The following ST6GALNAC3 variants were observed in gnomAD, a reference collection of about 807,000 sequenced individuals.
ST6GALNAC3 encodes the protein ST6 N-acetylgalactosaminide alpha-2,6-sialyltransferase 3, also known as alpha-N-acetylgalactosaminide alpha-2,6-sialyltransferase 3.
ST6GALNAC3 carries 25 observed loss-of-function variants against 32.7 expected under a neutral mutation model. That is an observed-to-expected ratio of 0.76 (90% CI 0.56 to 1.07). The LOEUF (loss-of-function observed/expected upper bound fraction) is 1.07, where lower values mean the gene tolerates loss of function less well. Among genes scored for constraint, ST6GALNAC3 ranks in the 50% least tolerant of loss-of-function variants. The probability of loss-of-function intolerance (pLI) is 0.00; values close to 1 mark genes in which losing one functional copy is unlikely to be tolerated. For missense variants in ST6GALNAC3, 355 were observed against 382.4 expected (o/e 0.93, Z 0.60); for synonymous variants, 129 against 133.1 (o/e 0.97, Z 0.21).
At chr1:76,480,414 C>T (rs1349545674) in intron 3 of ST6GALNAC3, among the ~76,000 whole-genome samples, 1 of 152,048 alleles carries the variant, frequency 6.6e-6, no homozygotes, top group Non-Finnish European at 1.5e-5. Flanking sequence ...TTTAAGTTTC[C>T]TTTAACTGTA....
chr1:76,318,052 A>G (rs1646898204), intron 2 of ST6GALNAC3, among the ~76,000 whole-genome samples: 1 of 152,124 alleles, frequency 6.6e-6, no homozygotes, highest in Non-Finnish European at 1.5e-5. Flanking sequence ...GCTTCATTTT[A>G]TCAATTAATC....
rs536063584 is a variant in ST6GALNAC3 at position 76,564,735 on chromosome 1, A to G, written c.624-62717A>G. Among the ~76,000 whole-genome samples, 157 of 151,954 alleles carry G rather than the reference A, an allele frequency of 1.0e-3. 1 individual carries two copies. Among genetic ancestry groups the G allele is most frequent in the African/African-American group, 1.3e-3 (55 of 41,436 alleles). ...CAAGTAGCTGGGACTATAGGCGCCC[A>G]CCACCACGCCTGGCTAATTTTTTGT... On this transcript the variant is annotated intron_variant, in intron 3 of 4. Coordinates refer to ENST00000328299, the MANE Select transcript of ST6GALNAC3 (RefSeq NM_152996.4).
chr1:76,397,920 G>C (rs933864597), intron 2 of ST6GALNAC3, among the ~76,000 whole-genome samples: 2 of 151,886 alleles, frequency 1.3e-5, no homozygotes, highest in African/African-American at 4.8e-5. Flanking sequence ...TTTGCAAGGA[G>C]AACTACTGTG....
chr1:76,352,444 G>A (rs1469864114), intron 2 of ST6GALNAC3, among the ~76,000 whole-genome samples: 1 of 144,808 alleles, frequency 6.9e-6, no homozygotes, highest in Non-Finnish European at 1.5e-5. Context: ...AACTGTGCCT[G>A]TCCCTCCTGC....
intron 2 of ST6GALNAC3, among the ~76,000 whole-genome samples, chr1:76,362,991 A>G (rs1390704214): frequency 6.6e-6 from 1 of 152,204 alleles, no homozygotes; most frequent in African/African-American, 2.4e-5. Flanking sequence ...CATGGGCTCC[A>G]ACTCCACATC....
At chr1:76,262,388 A>T (rs1396334805) in intron 1 of ST6GALNAC3, among the ~76,000 whole-genome samples, 4 of 152,214 alleles carry the variant, frequency 2.6e-5, no homozygotes, top group African/African-American at 9.6e-5. Flanking sequence ...GTTCATATGG[A>T]AAGTTGTATG....
chr1:76,545,809 C>A (rs1664262868), intron 3 of ST6GALNAC3, among the ~76,000 whole-genome samples: 2 of 151,870 alleles, frequency 1.3e-5, no homozygotes, highest in Admixed American at 6.6e-5. Context: ...GGCATGCCCC[C>A]CCACATCCAG....
rs371355440 is a variant in ST6GALNAC3 at position 76,468,654 on chromosome 1, A to AT, written c.623+56241dup. On this transcript the variant is annotated intron_variant, in intron 3 of 4. Coordinates refer to ENST00000328299, the MANE Select transcript of ST6GALNAC3 (RefSeq NM_152996.4). ...TTCTTACTCATTTTTTTACCAAAAG[A>AT]TTTTGTCTTTGCTTGTAATACTTGA... 4.3e-3 allele frequency among the ~76,000 whole-genome samples: 654 copies of AT among 151,364 alleles called. 6 individuals are homozygous for AT. Among genetic ancestry groups the AT allele is most frequent in the African/African-American group, 0.014 (598 of 41,330 alleles).
intron 3 of ST6GALNAC3, among the ~76,000 whole-genome samples, chr1:76,440,296 G>C (rs534682639): frequency 6.6e-6 from 1 of 152,348 alleles, no homozygotes; most frequent in South Asian, 2.1e-4. Flanking sequence ...ATATGTGTCA[G>C]ATCAAGAATT....
intron 3 of ST6GALNAC3, among the ~76,000 whole-genome samples, chr1:76,573,118 G>A (rs1646737281): frequency 6.6e-6 from 1 of 152,088 alleles, no homozygotes; most frequent in Admixed American, 6.6e-5. Flanking sequence ...TATTTGTGCT[G>A]AAGGCAGTGC....
chr1:76,267,428 T>C (rs1658596027), intron 1 of ST6GALNAC3, among the ~76,000 whole-genome samples: 1 of 152,214 alleles, frequency 6.6e-6, no homozygotes, highest in African/African-American at 2.4e-5. Flanking sequence ...CTTTCTCCTC[T>C]ACTTTGCTCT....
intron 3 of ST6GALNAC3, among the ~76,000 whole-genome samples, chr1:76,473,405 C>A (rs1357860923): frequency 6.6e-6 from 1 of 152,042 alleles, no homozygotes; most frequent in South Asian, 2.1e-4. Flanking sequence ...CTGAGATGAA[C>A]CATTTGAAAA....
intron 3 of ST6GALNAC3, among the ~76,000 whole-genome samples, chr1:76,602,240 G>A (rs1410731811): frequency 6.6e-6 from 1 of 152,144 alleles, no homozygotes; most frequent in East Asian, 1.9e-4. Context: ...AGTTACGAAT[G>A]GGGAATGTGT....
At chr1:76,119,291 T>C (rs1473336990) in intron 1 of ST6GALNAC3, among the ~76,000 whole-genome samples, 1 of 152,248 alleles carries the variant, frequency 6.6e-6, no homozygotes, top group Non-Finnish European at 1.5e-5. Context: ...TGCATCTCAG[T>C]GAAATTTCAC....
At chr1:76,202,506 C>T (rs757045744) in intron 1 of ST6GALNAC3, among the ~76,000 whole-genome samples, 82 of 152,088 alleles carry the variant, frequency 5.4e-4, no homozygotes, top group Non-Finnish European at 9.6e-4. Flanking sequence ...GTTCTCTCCC[C>T]CAGCCTCTTC....
At chr1:76,491,494 G>T (rs1660498179) in intron 3 of ST6GALNAC3, among the ~76,000 whole-genome samples, 1 of 152,126 alleles carries the variant, frequency 6.6e-6, no homozygotes, top group African/African-American at 2.4e-5. Flanking sequence ...GCTTCCACAT[G>T]CTGAGTTTTC....
At chr1:76,365,808 G>T (rs1332064796) in intron 2 of ST6GALNAC3, among the ~76,000 whole-genome samples, 1 of 152,166 alleles carries the variant, frequency 6.6e-6, no homozygotes, top group African/African-American at 2.4e-5. Flanking sequence ...ATTTTCTGAA[G>T]ATTAGATTCA....
chr1:76,341,616 T>TCTTTCTTC (rs1647990760), intron 2 of ST6GALNAC3, among the ~76,000 whole-genome samples: 1 of 109,198 alleles, frequency 9.2e-6, no homozygotes, highest in Non-Finnish European at 1.8e-5. Context: ...TTTCTTTCTT[T>TCTTTCTTC]CTTTCTTTCT....
intron 1 of ST6GALNAC3, among the ~76,000 whole-genome samples, chr1:76,251,102 T>TA (rs1047485569): frequency 2.0e-5 from 3 of 152,150 alleles, no homozygotes; most frequent in South Asian, 2.1e-4. Context: ...CCTTTTTTTT[T>TA]ATCGCCTTTT....
Sources: allele counts gnomAD v4.1 joint callset (sites outside exome capture counted in the v4.1 genomes callset), GRCh38; gene constraint gnomAD v4.1.1; transcripts MANE v1.5; gene names NCBI Gene and HGNC (gene_info 2026-07-23, HGNC 2026-07-21).